Variants in GIPC2 observed in about 807,000 individuals in gnomAD.
GIPC2 encodes the protein GIPC PDZ domain containing family member 2.
A neutral mutation model predicts 30.6 loss-of-function variants in GIPC2; 30 were observed. That is an observed-to-expected ratio of 0.98 (90% CI 0.73 to 1.33). The LOEUF (loss-of-function observed/expected upper bound fraction) is 1.33. Among genes scored for constraint, GIPC2 ranks in the 40% most tolerant of loss-of-function variants. The pLI is 0.00. For synonymous variants in GIPC2, 167 were observed against 150.0 expected (o/e 1.11, Z -0.83); for missense variants, 414 against 390.3 (o/e 1.06, Z -0.51).
At chr1:78,061,960 G>A (rs1035644678) in intron 1 of GIPC2, among the ~76,000 whole-genome samples, 4 of 152,124 alleles carry the variant, frequency 2.6e-5, no homozygotes, top group African/African-American at 9.7e-5. Flanking sequence ...TCTGTAGGTG[G>A]TGTGGCTAAG....
In GIPC2 at chr1:78,077,699, C is replaced by T. The variant is rs552227327; in HGVS notation, c.241-2976C>T. On this transcript the variant is annotated intron_variant, in intron 1 of 5. Transcript: ENST00000370759. Reference sequence around the variant, plus strand: ...CTGCCTTTCACTGCCTGTTGTGTAGCGTACTTAGATTCTGGAAGCAAATAT... The same window carrying T: ...CTGCCTTTCACTGCCTGTTGTGTAGTGTACTTAGATTCTGGAAGCAAATAT... 7.7e-4 allele frequency among the ~76,000 whole-genome samples: 117 copies of T among 152,184 alleles called. 1 individual carries two copies. The highest frequency in any genetic ancestry group is 5.3e-4 in the Non-Finnish European group (36 of 68,018).
rs1663036484 is a variant in GIPC2, at chr1:78,137,944, C to A, written c.*2201C>A. 6.6e-6 allele frequency: 1 copy of A among 151,720 alleles called. No individual in the cohort carries two copies. Among genetic ancestry groups the A allele is most frequent in the African/African-American group, 2.4e-5 (1 of 41,302 alleles). 9.4% of individuals were successfully genotyped at this position (151,720 alleles called of 1,614,324 possible). On this transcript the variant is annotated 3_prime_UTR_variant, in exon 6 of 6. Coordinates refer to ENST00000370759, the MANE Select transcript of GIPC2 (RefSeq NM_017655.6). The stretch of plus-strand genomic sequence containing the variant: ...ACAAATCACTTTTTAAAAAACATTC[C>A]ATTTTATTGGCATCACTAGATGTTT...
chr1:78,101,438 G>A (rs1480043944), intron 3 of GIPC2, among the ~76,000 whole-genome samples: 1 of 152,124 alleles, frequency 6.6e-6, no homozygotes, highest in Non-Finnish European at 1.5e-5. Flanking sequence ...ATTGTGCTTT[G>A]TACATTGCAA....
At chr1:78,125,988 CTT>C (rs751829406) in intron 5 of GIPC2, 26 bp downstream of exon 5, 4 of 1,015,848 alleles carry the variant, frequency 3.9e-6, no homozygotes, top group South Asian at 2.6e-5. Flanking sequence ...TTAAAAAAGT[CTT>C]ATATCTCTTA....
At chr1:78,110,662 A>G (rs988446965) in intron 3 of GIPC2, among the ~76,000 whole-genome samples, 2 of 152,210 alleles carry the variant, frequency 1.3e-5, no homozygotes, top group South Asian at 2.1e-4. Context: ...TAACCTCTCC[A>G]TTCATCGCTT....
At chr1:78,107,042 C>G (rs985237607) in intron 3 of GIPC2, among the ~76,000 whole-genome samples, 1 of 150,124 alleles carries the variant, frequency 6.7e-6, no homozygotes, top group Non-Finnish European at 1.5e-5. Context: ...TCCCTCCCTC[C>G]CTTCCCTTCC....
intron 3 of GIPC2, among the ~76,000 whole-genome samples, chr1:78,115,159 G>T (rs1027862934): frequency 3.3e-5 from 5 of 151,822 alleles, no homozygotes; most frequent in Non-Finnish European, 7.4e-5. Flanking sequence ...GTAAGTCCCA[G>T]AAACCTTTTT....
chr1:78,075,739 T>C (rs914931041), intron 1 of GIPC2, among the ~76,000 whole-genome samples: 2 of 152,242 alleles, frequency 1.3e-5, no homozygotes, highest in African/African-American at 4.8e-5. Flanking sequence ...TAAGCTGGCA[T>C]TGGGCCACAT....
intron 1 of GIPC2, among the ~76,000 whole-genome samples, chr1:78,052,336 C>G (rs890892466): frequency 6.6e-6 from 1 of 152,190 alleles, no homozygotes; most frequent in Non-Finnish European, 1.5e-5. Flanking sequence ...AGAAGCTCCA[C>G]AAAGGCAAGG....
intron 4 of GIPC2, among the ~76,000 whole-genome samples, chr1:78,120,600 C>T (rs7365402): frequency 0.02 from 3,048 of 152,248 alleles, 52 homozygotes; most frequent in South Asian, 0.079. Flanking sequence ...AGAGGTTTAA[C>T]GGACTCACAG....
At chr1:78,091,572 C>A (rs181518604) in intron 2 of GIPC2, 5 of 757,056 alleles carry the variant, frequency 6.6e-6, no homozygotes, top group South Asian at 2.7e-5. Flanking sequence ...GGCAACCTCT[C>A]GGCCAAGTCC....
At chr1:78,062,510 T>TC in intron 1 of GIPC2, among the ~76,000 whole-genome samples, 1 of 151,868 alleles carries the variant, frequency 6.6e-6, no homozygotes. Flanking sequence ...TTTTTCTTTT[T>TC]TTTTTTTTTT....
At position 78,138,357 on chromosome 1, in the gene GIPC2, TAACTA is replaced by T. The variant is rs1213088085; in HGVS notation, c.*2617_*2621del. 2 of 152,218 alleles carry T rather than the reference TAACTA, an allele frequency of 1.3e-5. No individual in the cohort carries two copies. Among genetic ancestry groups the T allele is most frequent in the African/African-American group, 2.4e-5 (1 of 41,454 alleles). The allele number at this position is 152,218 out of a possible 1,614,324, so 9.4% of individuals were successfully genotyped here. A position where few individuals can be genotyped will look rare whatever the true frequency, so the allele number is the denominator to read the frequency against. ...TACATCCAATATTGTGACTGAAAAT[TAACTA>T]AAGAGAGATAATTTTTCAAATGATG... On this transcript the variant is annotated 3_prime_UTR_variant, in exon 6 of 6. Coordinates refer to ENST00000370759, the MANE Select transcript of GIPC2 (RefSeq NM_017655.6).
intron 4 of GIPC2, among the ~76,000 whole-genome samples, chr1:78,121,053 A>G (rs578235940): frequency 6.6e-6 from 1 of 152,340 alleles, no homozygotes; most frequent in South Asian, 2.1e-4. Context: ...TTAGTAAACG[A>G]TTCCTTTTAG....
chr1:78,137,499 TA>T lies in GIPC2; in HGVS notation c.*1759del, dbSNP rs1176022646. On this transcript the variant is annotated 3_prime_UTR_variant, in exon 6 of 6. Coordinates refer to ENST00000370759, the MANE Select transcript of GIPC2 (RefSeq NM_017655.6). Reference sequence around the variant, plus strand: ...TTTCTCCTTCCTTTTTGGGCATGCATAAAGACACACTTGGTGCTGATTCCAT... The same window carrying T: ...TTTCTCCTTCCTTTTTGGGCATGCATAAGACACACTTGGTGCTGATTCCAT... The T allele has an allele frequency of 2.0e-5, 3 of 152,198 alleles. No homozygotes were observed. The highest frequency in any genetic ancestry group is 4.4e-5 in the Non-Finnish European group (3 of 68,004). 9.4% of individuals were successfully genotyped at this position (152,198 alleles called of 1,614,324 possible).
At chr1:78,064,272 G>A (rs1486602049) in intron 1 of GIPC2, among the ~76,000 whole-genome samples, 2 of 152,208 alleles carry the variant, frequency 1.3e-5, no homozygotes, top group Non-Finnish European at 2.9e-5. Context: ...CATCCTTCCA[G>A]CATGAATGTC....
chr1:78,100,240 T>C (rs1571507735), intron 3 of GIPC2, among the ~76,000 whole-genome samples: 1 of 152,244 alleles, frequency 6.6e-6, no homozygotes, highest in African/African-American at 2.4e-5. Context: ...GAGCCATTTG[T>C]ACACATCTCT....
Position 78,080,735 on chromosome 1 carries a change from C to G in GIPC2, c.301C>G (p.Leu101Val). The change falls in exon 2 of 6, where the codon CTA (leucine) becomes GTA (valine). Residue 101 changes from leucine (L) to valine (V), a missense_variant. By Grantham distance (32) the Leu-to-Val change is conservative. Coordinates refer to ENST00000370759, the MANE Select transcript of GIPC2 (RefSeq NM_017655.6). Reference protein sequence around the residue: ...IDMERLLGGQLGLEDFIFAHV... With the variant: ...IDMERLLGGQVGLEDFIFAHV... ...CATGGAAAGACTCTTAGGAGGACAA[C>G]TAGGACTAGAAGATTTCATATTTGC... is the stretch of plus-strand genomic sequence containing the variant. 6.2e-7 allele frequency: 1 copy of G among 1,608,282 alleles called. No homozygotes were observed. The highest frequency in any genetic ancestry group is 8.5e-7 in the Non-Finnish European group (1 of 1,174,804).
chr1:78,068,826 G>A (rs1661567055), intron 1 of GIPC2, among the ~76,000 whole-genome samples: 1 of 152,124 alleles, frequency 6.6e-6, no homozygotes, highest in African/African-American at 2.4e-5. Flanking sequence ...AATAGAAGCA[G>A]GTAGCAAGGG....
Sources: allele counts gnomAD v4.1 joint callset (sites outside exome capture counted in the v4.1 genomes callset), GRCh38; gene constraint gnomAD v4.1.1; transcripts MANE v1.5; gene names NCBI Gene and HGNC (gene_info 2026-07-23, HGNC 2026-07-21).